OSMR: variants seen among roughly 807,000 people sequenced by gnomAD.
The protein encoded by OSMR is oncostatin-M-specific receptor subunit beta.
In OSMR, 81 loss-of-function variants were observed where a neutral mutation model predicts 99.9. The observed-to-expected ratio is 0.81, with a 90% CI of 0.68 to 0.97. The LOEUF (loss-of-function observed/expected upper bound fraction) is 0.97. OSMR is among the 50% of genes least tolerant of loss of function. The pLI, the probability that OSMR is intolerant of heterozygous loss-of-function variation, is 0.00. For missense variants in OSMR, 1,099 were observed against 1,153.4 expected (o/e 0.95, Z 0.68); for synonymous variants, 406 against 410.4 (o/e 0.99, Z 0.13).
At chr5:38,873,908 C>T (rs1313395569) in intron 2 of OSMR, among the ~76,000 whole-genome samples, 1 of 152,120 alleles carries the variant, frequency 6.6e-6, no homozygotes, top group Admixed American at 6.5e-5. Flanking sequence ...TCACGGTTCA[C>T]TGCAGCCTCT....
At chr5:38,893,140 C>G (rs1234252664) in intron 7 of OSMR, among the ~76,000 whole-genome samples, 5 of 152,228 alleles carry the variant, frequency 3.3e-5, no homozygotes, top group African/African-American at 1.2e-4. Context: ...CTCTTACCCG[C>G]AAGTGTCATC....
At chr5:38,930,964 G>A (rs1020998800) in intron 15 of OSMR, among the ~76,000 whole-genome samples, 5 of 137,268 alleles carry the variant, frequency 3.6e-5, no homozygotes, top group African/African-American at 1.4e-4. Flanking sequence ...GTGTGTGTGT[G>A]TAAGGTTGTG....
chr5:38,881,972 G>A (rs909954011), intron 4 of OSMR, among the ~76,000 whole-genome samples: 3 of 152,222 alleles, frequency 2.0e-5, no homozygotes, highest in Admixed American at 2.0e-4. Flanking sequence ...CTTACTCATT[G>A]AGATAGTTGT....
chr5:38,942,959 C>T, intron 1 of OSMR: 1 of 1,604,162 alleles, frequency 6.2e-7, no homozygotes. Context: ...TTTGAGGATA[C>T]TTCTCCTTAA....
rs532814059 is a variant in OSMR, at chr5:38,856,438, G to A, written c.-14+10051G>A. Among the ~76,000 whole-genome samples the A allele has an allele frequency of 3.3e-5, 5 of 152,314 alleles. No homozygotes were observed. In the East Asian group the frequency reaches 9.6e-4, roughly 29 times the overall value. On this transcript the variant is annotated intron_variant, in intron 1 of 17. Coordinates refer to ENST00000274276, the MANE Select transcript of OSMR (RefSeq NM_003999.3). ...GGCCTGAAACACAGGGGGTGGCCTT[G>A]TCCAGTCCCACTGCTGGAAATAATA...
At chr5:38,901,287 A>G (rs1744873080) in intron 7 of OSMR, among the ~76,000 whole-genome samples, 1 of 152,218 alleles carries the variant, frequency 6.6e-6, no homozygotes, top group Non-Finnish European at 1.5e-5. Flanking sequence ...TTGAACCCAT[A>G]GGAGGAGCCA....
chr5:38,876,426 C>T, intron 3 of OSMR, 53 bp downstream of exon 3: 2 of 1,452,044 alleles, frequency 1.4e-6, no homozygotes, highest in Non-Finnish European at 1.9e-6. Context: ...AAAAAAGACA[C>T]CTTGGTTTTC....
chr5:38,931,403 C>T (rs567521702), intron 15 of OSMR, among the ~76,000 whole-genome samples: 1 of 152,258 alleles, frequency 6.6e-6, no homozygotes, highest in African/African-American at 2.4e-5. Flanking sequence ...AGGCTGAAGT[C>T]GCAGCAGCTA....
intron 1 of OSMR, among the ~76,000 whole-genome samples, chr5:38,864,530 C>A (rs978759276): frequency 8.8e-6 from 1 of 113,704 alleles, no homozygotes; most frequent in Non-Finnish European, 1.7e-5. Context: ...ATATAGTATT[C>A]TTGCCTGAAG....
intron 11 of OSMR, chr5:38,919,285 G>C (rs890288261): frequency 6.7e-7 from 1 of 1,498,808 alleles, no homozygotes; most frequent in Non-Finnish European, 8.9e-7. Context: ...GGACATTTCT[G>C]TCCAGGGGAT....
intron 9 of OSMR, 120 bp downstream of exon 9, chr5:38,904,623 A>G (rs1036506095): frequency 1.6e-6 from 2 of 1,246,646 alleles, no homozygotes; most frequent in Non-Finnish European, 2.3e-6. Context: ...GAGGCGGGGT[A>G]GCATTTAAAA....
At chr5:38,942,459 T>C (rs1363726052) in intron 1 of OSMR, 1 of 761,252 alleles carries the variant, frequency 1.3e-6, no homozygotes, top group Non-Finnish European at 2.0e-6. Flanking sequence ...CTAATTTTTT[T>C]TTTTTTTTGA....
chr5:38,943,554 CT>C (rs753626694), intron 1 of OSMR, among the ~76,000 whole-genome samples: 21 of 152,282 alleles, frequency 1.4e-4, no homozygotes, highest in Middle Eastern at 3.4e-3. Context: ...TGGCTCATGC[CT>C]GTAATCCCAG....
chr5:38,914,422 A>G (rs1350660959), intron 9 of OSMR, among the ~76,000 whole-genome samples: 3 of 152,224 alleles, frequency 2.0e-5, no homozygotes, highest in African/African-American at 7.2e-5. Flanking sequence ...TGTTGGAGGG[A>G]ATATAAATTA....
intron 1 of OSMR, among the ~76,000 whole-genome samples, chr5:38,860,549 C>T (rs1428408608): frequency 6.6e-6 from 1 of 152,104 alleles, no homozygotes; most frequent in Non-Finnish European, 1.5e-5. Context: ...GTGTCCTTGT[C>T]TGGCTTTGGT....
At chr5:38,893,252 G>C (rs888254787) in intron 7 of OSMR, among the ~76,000 whole-genome samples, 1 of 152,176 alleles carries the variant, frequency 6.6e-6, no homozygotes, top group African/African-American at 2.4e-5. Context: ...CCCTCCAGAT[G>C]AGAAGGAAAA....
At chr5:38,848,741 CT>C (rs972588145) in intron 1 of OSMR, among the ~76,000 whole-genome samples, 1 of 152,150 alleles carries the variant, frequency 6.6e-6, no homozygotes, top group African/African-American at 2.4e-5. Flanking sequence ...TTTCCATTGT[CT>C]CTAGATACCT....
At chr5:38,921,132 C>A (rs1285673615) in intron 11 of OSMR, among the ~76,000 whole-genome samples, 1 of 152,112 alleles carries the variant, frequency 6.6e-6, no homozygotes, top group Non-Finnish European at 1.5e-5. Flanking sequence ...ATACCAGATT[C>A]TAGATTAAGG....
chr5:38,933,503 C>A lies in OSMR; in HGVS notation c.*59C>A. On this transcript the variant is annotated 3_prime_UTR_variant, in exon 18 of 18. Transcript: ENST00000274276. Reference sequence around the variant, plus strand: ...GACATTAAGAAGAGCAGAGCTGGCACCCTGTCATCACCAGTGGCCTTGGTC... The same window carrying A: ...GACATTAAGAAGAGCAGAGCTGGCAACCTGTCATCACCAGTGGCCTTGGTC... 1 of 1,592,764 alleles carries A rather than the reference C, an allele frequency of 6.3e-7. No individual in the cohort carries two copies. The highest frequency in any genetic ancestry group is 8.6e-7 in the Non-Finnish European group (1 of 1,163,064).
Sources: gnomAD v4.1 joint callset for allele counts (sites outside exome capture counted in the v4.1 genomes callset) on GRCh38, gnomAD v4.1.1 for gene constraint, MANE v1.5 for transcripts, NCBI Gene and HGNC (gene_info 2026-07-23, HGNC 2026-07-21) for gene names.